Variants in ZNF616 observed in about 807,000 individuals in gnomAD.
The protein encoded by ZNF616 is zinc finger protein 616.
In ZNF616, 5 loss-of-function variants were observed where a neutral mutation model predicts 7.6. That is an observed-to-expected ratio of 0.66 (90% CI 0.34 to 1.38). The LOEUF (loss-of-function observed/expected upper bound fraction) is 1.38. ZNF616 is among the 40% of genes most tolerant of loss of function. The pLI, the probability that ZNF616 is intolerant of heterozygous loss-of-function variation, is 0.04. For missense variants in ZNF616, 913 were observed against 948.3 expected (o/e 0.96, Z 0.49); for synonymous variants, 319 against 317.2 (o/e 1.01, Z -0.06).
rs938974061 is a variant in ZNF616 at position 52,117,010 on chromosome 19, A to G, written c.154T>C (p.Cys52Arg). 1 of 1,568,656 alleles carries G rather than the reference A, an allele frequency of 6.4e-7. No individual in the cohort carries two copies. The highest frequency in any genetic ancestry group is 8.6e-7 in the Non-Finnish European group (1 of 1,162,660). Residue 52 changes from cysteine to arginine, a missense_variant, in exon 4 of 4, where the codon TGT becomes CGT. Coordinates refer to ENST00000600228, the MANE Select transcript of ZNF616 (RefSeq NM_178523.5). Reference sequence around the variant, plus strand: ...GTTGGTGGTAATTCCTTGATCACACATTTAGGAGAGATACCTGCAAAATAT... The same window carrying G: ...GTTGGTGGTAATTCCTTGATCACACGTTTAGGAGAGATACCTGCAAAATAT... ...NLVFLGISPK[C>R]VIKELPPTEN...
intron 3 of ZNF616, among the ~76,000 whole-genome samples, 189 bp downstream of exon 3, chr19:52,123,734 C>G (rs576346194): frequency 4.7e-4 from 71 of 152,254 alleles, no homozygotes; most frequent in African/African-American, 1.7e-3. Flanking sequence ...CACTGATGTA[C>G]AAAGAAGGCA....
intron 1 of ZNF616, among the ~76,000 whole-genome samples, chr19:52,133,521 T>TA (rs1165969031): frequency 3.3e-5 from 5 of 151,884 alleles, no homozygotes; most frequent in Admixed American, 6.6e-5. Flanking sequence ...TCACCTGGGT[T>TA]TTTGTGTGTG....
intron 1 of ZNF616, among the ~76,000 whole-genome samples, chr19:52,131,264 CAAAAA>C (rs61359785): frequency 5.5e-4 from 22 of 39,746 alleles, no homozygotes; most frequent in Admixed American, 2.3e-3. Context: ...ACTCTGTCAC[CAAAAA>C]AAAAAAAAAA....
Position 52,139,148 on chromosome 19 carries a change from C to A in ZNF616, c.-77+584G>T, listed in dbSNP as rs1268354698. On this transcript the variant is annotated intron_variant, in intron 1 of 3. Coordinates refer to ENST00000600228, the MANE Select transcript of ZNF616 (RefSeq NM_178523.5). The surrounding 1 kb of genome is among the most constrained non-coding windows in gnomAD (Gnocchi z 4.1). ...TTTTCTTTCTGTCCCGTCGCTCCCC[C>A]TCTTTTCCTCTCCTGATCCCTCTCA... Among the ~76,000 whole-genome samples, 1 of 152,110 alleles carries A rather than the reference C, an allele frequency of 6.6e-6. No individual in the cohort carries two copies. Among genetic ancestry groups the A allele is most frequent in the Non-Finnish European group, 1.5e-5 (1 of 68,034 alleles).
chr19:52,130,413 G>A (rs1236280741), intron 2 of ZNF616, 88 bp downstream of exon 2: 1 of 1,208,508 alleles, frequency 8.3e-7, no homozygotes, highest in Non-Finnish European at 1.2e-6. Context: ...GAGAAGATTT[G>A]CAACTCCGAC....
intron 1 of ZNF616, among the ~76,000 whole-genome samples, chr19:52,135,796 A>C (rs1014491550): frequency 6.6e-6 from 1 of 152,190 alleles, no homozygotes; most frequent in Non-Finnish European, 1.5e-5. Context: ...GACAATGAGA[A>C]GTTGTTCCTT....
At chr19:52,134,592 G>A (rs1451945233) in intron 1 of ZNF616, among the ~76,000 whole-genome samples, 1 of 152,188 alleles carries the variant, frequency 6.6e-6, no homozygotes, top group African/African-American at 2.4e-5. Flanking sequence ...TCTAACTCCA[G>A]GTAGACAGTG....
intron 3 of ZNF616, among the ~76,000 whole-genome samples, chr19:52,117,651 A>G (rs1216908795): frequency 6.6e-6 from 1 of 152,182 alleles, no homozygotes; most frequent in Non-Finnish European, 1.5e-5. Flanking sequence ...AATTCTAAAC[A>G]AATCTCCCTT....
In ZNF616 at chr19:52,116,227, T is replaced by C. The variant is rs147427661; in HGVS notation, c.937A>G (p.Arg313Gly). 184 of 1,614,062 alleles carry C rather than the reference T, an allele frequency of 1.1e-4. No individual in the cohort carries two copies. Among genetic ancestry groups the C allele is most frequent in the Non-Finnish European group, 1.5e-4 (177 of 1,180,030 alleles). ...GKSFSQRVHL[R>G]LHQTVHTGER... is the part of the protein sequence containing the mutation. ...CCAGTATGAACTGTCTGATGAAGTCTAAGATGGACACGCTGACTAAAGGAT... is the reference window on the plus strand; with the variant it reads ...CCAGTATGAACTGTCTGATGAAGTCCAAGATGGACACGCTGACTAAAGGAT... Residue 313 changes from arginine (R) to glycine (G), a missense_variant, in exon 4 of 4, where the codon AGA (arginine) becomes GGA (glycine). Coordinates refer to ENST00000600228, the MANE Select transcript of ZNF616 (RefSeq NM_178523.5).
At chr19:52,137,053 G>GTGTATATATATATATATA (rs958896902) in intron 1 of ZNF616, among the ~76,000 whole-genome samples, 33 of 143,734 alleles carry the variant, frequency 2.3e-4, no homozygotes, top group African/African-American at 8.5e-4. Context: ...TTATGTATGT[G>GTGTATATATATATATATA]TATATATATA....
intron 2 of ZNF616, among the ~76,000 whole-genome samples, chr19:52,130,033 A>G (rs2088944180): frequency 6.6e-6 from 1 of 152,160 alleles, no homozygotes; most frequent in Non-Finnish European, 1.5e-5. Flanking sequence ...TCAGCCTCCT[A>G]AAGTGCTGAG....
At position 52,115,550 on chromosome 19, in the gene ZNF616, C is replaced by A; in HGVS notation, c.1614G>T (p.Arg538Ser). 6.2e-7 allele frequency: 1 copy of A among 1,613,648 alleles called. No homozygotes were observed. Among genetic ancestry groups the A allele is most frequent in the South Asian group, 1.1e-5 (1 of 91,052 alleles). ...TCTCTCCAGTATGAATTCTCCGATG[C>A]CTTGCAAAAGCTGAACGGTCACTGA... Reference protein sequence around the residue: ...KVFSDRSAFARHRRIHTGEKP... With the variant: ...KVFSDRSAFASHRRIHTGEKP... Residue 538 changes from arginine to serine, a missense_variant, in exon 4 of 4, where the codon AGG (arginine) becomes AGT (serine). By Grantham distance (110) the Arg-to-Ser change is moderately radical (BLOSUM62 -1). Coordinates refer to ENST00000600228, the MANE Select transcript of ZNF616 (RefSeq NM_178523.5).
chr19:52,126,586 G>C (rs1161145650), intron 2 of ZNF616, among the ~76,000 whole-genome samples: 1 of 151,650 alleles, frequency 6.6e-6, no homozygotes, highest in Non-Finnish European at 1.5e-5. Context: ...TGGCCAACAC[G>C]GTGAAACCCC....
intron 3 of ZNF616, among the ~76,000 whole-genome samples, chr19:52,119,579 A>C (rs908851296): frequency 6.6e-6 from 1 of 152,106 alleles, no homozygotes; most frequent in African/African-American, 2.4e-5. Context: ...GCAAGAGGAA[A>C]GGGCAAGGAG....
chr19:52,115,532 A>G lies in ZNF616; in HGVS notation c.1632T>C (p.Thr544=), dbSNP rs757843276. ...SAFARHRRIH[T]GEKPYKCKEC... is the part of the protein sequence containing the mutation. The stretch of plus-strand genomic sequence containing the variant: ...CTTTGCATTTGTAAGGCTTCTCTCC[A>G]GTATGAATTCTCCGATGCCTTGCAA... The change falls in exon 4 of 4, where the codon ACT becomes ACC. Residue 544 remains threonine (T), a synonymous_variant. Coordinates refer to ENST00000600228, the MANE Select transcript of ZNF616 (RefSeq NM_178523.5). 1 of 1,614,020 alleles carries G rather than the reference A, an allele frequency of 6.2e-7. No homozygotes were observed. Among genetic ancestry groups the G allele is most frequent in the East Asian group, 2.2e-5 (1 of 44,880 alleles).
chr19:52,116,239 G>A lies in ZNF616; in HGVS notation c.925C>T (p.Arg309Cys), dbSNP rs781757109. ...GTCTGATGAAGTCTAAGATGGACACGCTGACTAAAGGATTTCCCACACAGA... is the reference window on the plus strand; with the variant it reads ...GTCTGATGAAGTCTAAGATGGACACACTGACTAAAGGATTTCCCACACAGA... Reference protein sequence around the residue: ...CNLCGKSFSQRVHLRLHQTVH... With the variant: ...CNLCGKSFSQCVHLRLHQTVH... Residue 309 changes from arginine to cysteine, a missense_variant, in exon 4 of 4, where the codon CGT becomes TGT. By Grantham distance (180) the Arg-to-Cys change is radical. Coordinates refer to ENST00000600228, the MANE Select transcript of ZNF616 (RefSeq NM_178523.5). The A allele has an allele frequency of 2.3e-5, 37 of 1,613,928 alleles. 1 individual carries two copies. The South Asian group carries it at 2.5e-4, about 11-fold the overall frequency.
Position 52,139,517 on chromosome 19 carries a change from A to G in ZNF616, c.-77+215T>C, listed in dbSNP as rs1374751248. Among the ~76,000 whole-genome samples, 1 of 152,124 alleles carries G rather than the reference A, an allele frequency of 6.6e-6. No homozygotes were observed. Among genetic ancestry groups the G allele is most frequent in the Non-Finnish European group, 1.5e-5 (1 of 68,000 alleles). On this transcript the variant is annotated intron_variant, in intron 1 of 3. Coordinates refer to ENST00000600228, the MANE Select transcript of ZNF616 (RefSeq NM_178523.5). This position sits in a 1 kb window ranked among gnomAD's most constrained non-coding sequence, Gnocchi z 4.1. Reference sequence around the variant, plus strand: ...GGGCGCTCCCCTCCAGGCGTCGACAAGGGCGAAGCTCGGGGGTCTCGACTG... The same window carrying G: ...GGGCGCTCCCCTCCAGGCGTCGACAGGGGCGAAGCTCGGGGGTCTCGACTG...
intron 2 of ZNF616, among the ~76,000 whole-genome samples, chr19:52,125,592 A>G (rs1291693045): frequency 2.0e-5 from 3 of 152,184 alleles, no homozygotes; most frequent in Admixed American, 1.3e-4. Flanking sequence ...GATCACCCAC[A>G]TGGAACTTCT....
chr19:52,123,007 TACA>T (rs996099900), intron 3 of ZNF616, among the ~76,000 whole-genome samples: 20 of 152,150 alleles, frequency 1.3e-4, no homozygotes, highest in African/African-American at 4.6e-4. Flanking sequence ...ACTGTCTTAT[TACA>T]ACACTATTGA....
Sources: allele counts gnomAD v4.1 joint callset (sites outside exome capture counted in the v4.1 genomes callset), GRCh38; gene constraint gnomAD v4.1.1; non-coding constraint Gnocchi (gnomAD v3.1); transcripts MANE v1.5; gene names NCBI Gene and HGNC (gene_info 2026-07-23, HGNC 2026-07-21).